Variants in PTK7 observed in about 807,000 individuals in gnomAD.
PTK7 encodes inactive tyrosine-protein kinase 7.
Under a neutral mutation model 116.6 loss-of-function variants are expected in PTK7, and 39 were observed. That is an observed-to-expected ratio of 0.33 (90% CI 0.26 to 0.44). PTK7 has a LOEUF of 0.44. Among genes scored for constraint, PTK7 ranks in the 20% least tolerant of loss-of-function variants. The pLI is 1.00. For missense variants in PTK7, 1,169 were observed against 1,425.6 expected (o/e 0.82, Z 2.90); for synonymous variants, 546 against 563.6 (o/e 0.97, Z 0.44).
In PTK7 at chr6:43,145,184, C is replaced by T; in HGVS notation, c.2408-16C>T. On this transcript the variant is annotated splice_polypyrimidine_tract_variant and intron_variant, in intron 15 of 19. Coordinates refer to ENST00000230419, the MANE Select transcript of PTK7 (RefSeq NM_002821.5). The surrounding 1 kb of genome is among the most constrained non-coding windows in gnomAD (Gnocchi z 4.8). ...CCTGGGTGAAGGTGGCTGGCTGACT[C>T]AGACTGTACCCACAGGGAAGAGTGA... The T allele has an allele frequency of 1.3e-6, 2 of 1,586,652 alleles. No homozygotes were observed. The highest frequency in any genetic ancestry group is 1.7e-6 in the Non-Finnish European group (2 of 1,164,562).
intron 5 of PTK7, among the ~76,000 whole-genome samples, chr6:43,131,029 T>TCACACACACACACA (rs3222659): frequency 1.5e-4 from 20 of 133,838 alleles, no homozygotes; most frequent in African/African-American, 3.6e-4. Context: ...GGCAAAGACA[T>TCACACACACACACA]CACACACACA....
Position 43,076,658 on chromosome 6 carries a change from C to T in PTK7, c.79+91C>T. ...CGCCCGGGGCGGTGGGTTTGGGCGG[C>T]TGGAACGGCCCTGGAGTAGTGGAGA... On this transcript the variant is annotated intron_variant, in intron 1 of 19. Transcript: ENST00000230419. This position sits in a 1 kb window ranked among gnomAD's most constrained non-coding sequence, Gnocchi z 5.7. 1 of 1,449,450 alleles carries T rather than the reference C, an allele frequency of 6.9e-7. No homozygotes were observed. Among genetic ancestry groups the T allele is most frequent in the Admixed American group, 2.6e-5 (1 of 38,046 alleles). The allele number at this position is 1,449,450 out of a possible 1,614,324, so 89.8% of individuals were successfully genotyped here. A position where few individuals can be genotyped will look rare whatever the true frequency, so the allele number is the denominator to read the frequency against.
rs931133152 is a variant in PTK7, at chr6:43,130,334, C to G, written c.575C>G (p.Pro192Arg). The change falls in exon 4 of 20, where the codon CCT (proline) becomes CGT (arginine). Residue 192 changes from proline to arginine, a missense_variant. By Grantham distance (103) the Pro-to-Arg change is moderately radical. Coordinates refer to ENST00000230419, the MANE Select transcript of PTK7 (RefSeq NM_002821.5). The part of the protein sequence containing the change: ...ERNLTLRPAG[P>R]EHSGLYSCCA... ...AACCTGACGCTCCGGCCAGCTGGTC[C>G]TGAGCATAGTGGGCTGTATTCCTGC... 3.1e-6 allele frequency: 5 copies of G among 1,612,928 alleles called. No homozygotes were observed. Among genetic ancestry groups the G allele is most frequent in the African/African-American group, 2.7e-5 (2 of 74,914 alleles).
chr6:43,161,300 A>C lies in PTK7; in HGVS notation c.*419A>C, dbSNP rs1457469785. ...TCCTTAATATTCTCAAGTTCTGGGCACACAGGGTTAATGAGTCTCTTGGCC... is the reference window on the plus strand; with the variant it reads ...TCCTTAATATTCTCAAGTTCTGGGCCCACAGGGTTAATGAGTCTCTTGGCC... On this transcript the variant is annotated 3_prime_UTR_variant, in exon 20 of 20. Coordinates refer to ENST00000230419, the MANE Select transcript of PTK7 (RefSeq NM_002821.5). 1 of 192,784 alleles carries C rather than the reference A, an allele frequency of 5.2e-6. No individual in the cohort carries two copies. The highest frequency in any genetic ancestry group is 1.1e-5 in the Non-Finnish European group (1 of 91,864). 11.9% of individuals were successfully genotyped at this position (192,784 alleles called of 1,614,324 possible).
In PTK7 at chr6:43,159,890, C is replaced by T. The variant is rs571770659; in HGVS notation, c.2976C>T (p.Phe992=). ...CTACCAAGTCTGATGTCTGGGCCTT[C>T]GGTGTGCTGATGTGGGAAGTGTTTA... is the stretch of plus-strand genomic sequence containing the variant. ...DFSTKSDVWA[F]GVLMWEVFTH... is the part of the protein sequence containing the mutation. The change falls in exon 19 of 20, where the codon TTC becomes TTT. Residue 992 remains phenylalanine, a synonymous_variant. Transcript: ENST00000230419. 44 of 1,614,216 alleles carry T rather than the reference C, an allele frequency of 2.7e-5. No homozygotes were observed. The highest frequency in any genetic ancestry group is 4.5e-5 in the East Asian group (2 of 44,882).
intron 1 of PTK7, among the ~76,000 whole-genome samples, chr6:43,117,431 G>A (rs754290549): frequency 2.0e-5 from 3 of 152,180 alleles, no homozygotes; most frequent in Admixed American, 6.5e-5. Flanking sequence ...GGTTGTGGAG[G>A]GAATGTGGGT....
At chr6:43,107,135 C>CTCCT (rs1767939745) in intron 1 of PTK7, among the ~76,000 whole-genome samples, 3 of 150,726 alleles carry the variant, frequency 2.0e-5, no homozygotes. Flanking sequence ...GTGGGCCAGA[C>CTCCT]TGGTCTCGAA....
At chr6:43,156,022 A>T (rs1174994455) in intron 17 of PTK7, among the ~76,000 whole-genome samples, 1 of 151,960 alleles carries the variant, frequency 6.6e-6, no homozygotes, top group Admixed American at 6.6e-5. Flanking sequence ...TGAGGTCAGG[A>T]ATTCAAGACC....
chr6:43,132,385 A>G (rs375811151), intron 6 of PTK7, 36 bp from the exon 7 acceptor site: 15 of 1,539,874 alleles, frequency 9.7e-6, no homozygotes, highest in Admixed American at 7.7e-5. Context: ...GAGACCCACA[A>G]TAATTGGGCC....
In PTK7 at chr6:43,076,446, C is replaced by T. The variant is rs765789006; in HGVS notation, c.-43C>T. 3.4e-6 allele frequency: 5 copies of T among 1,485,072 alleles called. No individual in the cohort carries two copies. Among genetic ancestry groups the T allele is most frequent in the Non-Finnish European group, 3.6e-6 (4 of 1,120,062 alleles). 92.0% of individuals were successfully genotyped at this position (1,485,072 alleles called of 1,614,324 possible). A position where few individuals can be genotyped will look rare whatever the true frequency, so the allele number is the denominator to read the frequency against. On this transcript the variant is annotated 5_prime_UTR_variant, in exon 1 of 20. Transcript: ENST00000230419. The surrounding 1 kb of genome is among the most constrained non-coding windows in gnomAD (Gnocchi z 5.7). The stretch of plus-strand genomic sequence containing the variant: ...TGCCCGCCGCGGAGCGCAGTCTGCG[C>T]GCCCGCCGTGCGCCCTCAGCTCCTT...
intron 7 of PTK7, among the ~76,000 whole-genome samples, chr6:43,137,310 G>T (rs776675859): frequency 6.6e-4 from 101 of 152,172 alleles, no homozygotes; most frequent in Non-Finnish European, 2.9e-4. Context: ...AGCGGTGGGG[G>T]TGAGAGGTGG....
chr6:43,135,266 A>G (rs936181658), intron 7 of PTK7, among the ~76,000 whole-genome samples: 2 of 152,188 alleles, frequency 1.3e-5, no homozygotes, highest in African/African-American at 4.8e-5. Context: ...GTTAGAGGGT[A>G]GAGCCCAGAA....
In PTK7 at chr6:43,139,542, C is replaced by T. The variant is rs1373331666; in HGVS notation, c.1618+17C>T. ...AACGGGCAGGTGGGTACAGTGCCGG[C>T]ATAGGGTAGGGGCAGGCAGGCAGTT... On this transcript the variant is annotated intron_variant, in intron 10 of 19. Transcript: ENST00000230419. The surrounding 1 kb of genome is among the most constrained non-coding windows in gnomAD (Gnocchi z 4.6). 2 of 1,613,676 alleles carry T rather than the reference C, an allele frequency of 1.2e-6. No individual in the cohort carries two copies. Among genetic ancestry groups the T allele is most frequent in the Admixed American group, 1.7e-5 (1 of 60,004 alleles).
chr6:43,108,180 C>T (rs1406001693), intron 1 of PTK7, among the ~76,000 whole-genome samples: 3 of 151,502 alleles, frequency 2.0e-5, no homozygotes, highest in South Asian at 2.1e-4. Flanking sequence ...CTGCAACCTC[C>T]GCCTCCCAGG....
At chr6:43,087,653 G>A (rs1394819724) in intron 1 of PTK7, among the ~76,000 whole-genome samples, 2 of 152,156 alleles carry the variant, frequency 1.3e-5, no homozygotes, top group Non-Finnish European at 2.9e-5. Flanking sequence ...GTGTGACCAT[G>A]GGCAGGTCCC....
intron 7 of PTK7, among the ~76,000 whole-genome samples, chr6:43,135,271 C>T (rs1023632368): frequency 6.6e-6 from 1 of 152,014 alleles, no homozygotes; most frequent in African/African-American, 2.4e-5. Context: ...AGGGTAGAGC[C>T]CAGAAGACGG....
chr6:43,101,408 C>T (rs567420625), intron 1 of PTK7, among the ~76,000 whole-genome samples: 28 of 151,126 alleles, frequency 1.9e-4, no homozygotes, highest in Admixed American at 1.8e-3. Context: ...AAAAATTAGC[C>T]GGGCGTGGTG....
chr6:43,114,484 A>G (rs1768381671), intron 1 of PTK7, among the ~76,000 whole-genome samples: 1 of 148,122 alleles, frequency 6.8e-6, no homozygotes, highest in South Asian at 2.1e-4. Flanking sequence ...TCTGTGTGTG[A>G]CTTTGGAGGT....
chr6:43,087,081 A>G (rs540044153), intron 1 of PTK7, among the ~76,000 whole-genome samples: 2 of 152,300 alleles, frequency 1.3e-5, no homozygotes, highest in East Asian at 1.9e-4. Context: ...TCATGTTTCA[A>G]GTGAGCCCTC....
Sources: gnomAD v4.1 joint callset for allele counts (sites outside exome capture counted in the v4.1 genomes callset) on GRCh38, gnomAD v4.1.1 for gene constraint, Gnocchi (gnomAD v3.1) non-coding constraint, MANE v1.5 for transcripts, NCBI Gene and HGNC (gene_info 2026-07-23, HGNC 2026-07-21) for gene names.